Variants in ADAMTSL1 observed in about 807,000 individuals in gnomAD.
ADAMTSL1 encodes ADAMTS like 1.
ADAMTSL1 carries 126 observed loss-of-function variants against 201.8 expected under a neutral mutation model. The ratio of observed to expected loss-of-function variants is 0.62; its 90% CI spans 0.54 to 0.72. The LOEUF is 0.72. Among genes scored for constraint, ADAMTSL1 ranks in the 30% least tolerant of loss-of-function variants. ADAMTSL1 has a pLI of 0.00. For missense variants in ADAMTSL1, 2,679 were observed against 2,277.8 expected (o/e 1.18, Z -3.59); for synonymous variants, 1,121 against 903.4 (o/e 1.24, Z -4.32).
rs1168085240 is a variant in ADAMTSL1 at position 18,255,283 on chromosome 9, A to AGCAGGCGTATAAGCG, written c.207+91313_207+91327dup. On this transcript the variant is annotated intron_variant, in intron 2 of 29. Coordinates refer to the ADAMTSL1 transcript ENST00000680146. ...GGCGCTGCCGCATTCTTTACCTTGT[A>AGCAGGCGTATAAGCG]GCAGGCGTATAAGCGGCAGGCGTAT... 2.0e-5 allele frequency among the ~76,000 whole-genome samples: 3 copies of AGCAGGCGTATAAGCG among 152,254 alleles called. No homozygotes were observed. In the East Asian group the frequency reaches 5.8e-4, roughly 29 times the overall value.
intron 23 of ADAMTSL1, among the ~76,000 whole-genome samples, chr9:18,853,517 G>T (rs1563859757): frequency 6.6e-6 from 1 of 152,192 alleles, no homozygotes; most frequent in Non-Finnish European, 1.5e-5. Context: ...TTGATCATCA[G>T]AAATGCTGGT....
intron 5 of ADAMTSL1, among the ~76,000 whole-genome samples, chr9:18,625,107 A>C (rs887838684): frequency 2.0e-5 from 3 of 152,180 alleles, no homozygotes; most frequent in African/African-American, 4.8e-5. Context: ...TGCAGGGCCC[A>C]GTGGAGAAGC....
At chr9:18,354,068 T>C (rs1836100015) in intron 2 of ADAMTSL1, among the ~76,000 whole-genome samples, 1 of 145,686 alleles carries the variant, frequency 6.9e-6, no homozygotes, top group Non-Finnish European at 1.5e-5. Context: ...TATATATATA[T>C]ACCTATAAAT....
intron 22 of ADAMTSL1, among the ~76,000 whole-genome samples, chr9:18,829,581 G>A (rs1824845685): frequency 6.6e-6 from 1 of 152,148 alleles, no homozygotes. Context: ...GATCTAAAGT[G>A]AGAAACCCCT....
intron 2 of ADAMTSL1, among the ~76,000 whole-genome samples, chr9:18,318,635 T>A (rs1042159125): frequency 2.0e-5 from 3 of 152,146 alleles, no homozygotes; most frequent in Non-Finnish European, 2.9e-5. Context: ...TACAGTGGTG[T>A]ATCACATCTC....
chr9:18,583,720 C>G (rs1438698137), intron 4 of ADAMTSL1, among the ~76,000 whole-genome samples: 1 of 152,184 alleles, frequency 6.6e-6, no homozygotes, highest in Non-Finnish European at 1.5e-5. Context: ...CGGAGCTACC[C>G]AAGACCGTGG....
intron 1 of ADAMTSL1, among the ~76,000 whole-genome samples, chr9:18,486,312 T>A (rs960161622): frequency 6.6e-6 from 1 of 152,214 alleles, no homozygotes; most frequent in African/African-American, 2.4e-5. Context: ...AAAGTGTGAA[T>A]TCAGGCCCAA....
chr9:18,525,434 C>CT (rs1367756021), intron 2 of ADAMTSL1, among the ~76,000 whole-genome samples: 2 of 152,086 alleles, frequency 1.3e-5, no homozygotes. Context: ...TTTTGTGTGT[C>CT]TATCTCTTTC....
At chr9:17,907,800 C>G (rs1825781131) in intron 1 of ADAMTSL1, among the ~76,000 whole-genome samples, 1 of 152,124 alleles carries the variant, frequency 6.6e-6, no homozygotes, top group East Asian at 1.9e-4. Context: ...ACTTTCCAGA[C>G]TCAGGTTAAC....
intron 1 of ADAMTSL1, among the ~76,000 whole-genome samples, chr9:18,057,638 T>G (rs1411729539): frequency 6.6e-6 from 1 of 152,106 alleles, no homozygotes; most frequent in Non-Finnish European, 1.5e-5. Flanking sequence ...GGCCTATGGG[T>G]CCTGCATCAC....
intron 23 of ADAMTSL1, among the ~76,000 whole-genome samples, chr9:18,872,993 G>T (rs1190177394): frequency 6.6e-6 from 1 of 152,042 alleles, no homozygotes; most frequent in Non-Finnish European, 1.5e-5. Context: ...ATTATTTTTT[G>T]ATTTGCTGAT....
At position 18,194,856 on chromosome 9, in the gene ADAMTSL1, G is replaced by A. The variant is rs79859131; in HGVS notation, c.207+30875G>A. On this transcript the variant is annotated intron_variant, in intron 2 of 29. Coordinates refer to the ADAMTSL1 transcript ENST00000680146. ...CCCGCCTTTATTCCTGGCCAAGTCT[G>A]CATTTGCTGTGACTATCCTTTGATT... 1.6e-3 allele frequency among the ~76,000 whole-genome samples: 240 copies of A among 152,120 alleles called. 1 individual carries two copies. The East Asian group carries it at 0.031, about 20-fold the overall frequency.
chr9:18,144,147 A>T (rs1361245924), intron 1 of ADAMTSL1, among the ~76,000 whole-genome samples: 1 of 152,144 alleles, frequency 6.6e-6, no homozygotes, highest in Non-Finnish European at 1.5e-5. Flanking sequence ...GTTTCTATTA[A>T]GGCTATGGGA....
chr9:18,150,658 G>T (rs1331092), intron 1 of ADAMTSL1, among the ~76,000 whole-genome samples: 65,338 of 151,610 alleles, frequency 0.43, 14,530 homozygotes, highest in Admixed American at 0.53. Flanking sequence ...ATGAAGAGAT[G>T]AGCATAGAGA....
intron 23 of ADAMTSL1, among the ~76,000 whole-genome samples, chr9:18,843,268 A>G (rs1358781516): frequency 2.7e-5 from 4 of 150,544 alleles, no homozygotes; most frequent in African/African-American, 1.0e-4. Context: ...TGTCTGTAAA[A>G]TATTTTATTT....
intron 1 of ADAMTSL1, among the ~76,000 whole-genome samples, chr9:18,086,047 C>G (rs1301917351): frequency 6.6e-6 from 1 of 151,982 alleles, no homozygotes; most frequent in Non-Finnish European, 1.5e-5. Context: ...GGCCTTTTGC[C>G]CTCAGCAGCT....
chr9:18,095,380 G>A (rs1563997305), intron 1 of ADAMTSL1, among the ~76,000 whole-genome samples: 1 of 143,038 alleles, frequency 7.0e-6, no homozygotes, highest in African/African-American at 2.5e-5. Context: ...AATTTGACAC[G>A]TTTTTAGTAA....
chr9:18,110,570 T>G (rs1428800408), intron 1 of ADAMTSL1, among the ~76,000 whole-genome samples: 1 of 152,196 alleles, frequency 6.6e-6, no homozygotes, highest in Non-Finnish European at 1.5e-5. Context: ...GGGGTCTTTT[T>G]GAGCTAGTGA....
chr9:18,020,652 C>G (rs1170865996), intron 1 of ADAMTSL1, among the ~76,000 whole-genome samples: 1 of 152,052 alleles, frequency 6.6e-6, no homozygotes, highest in African/African-American at 2.4e-5. Flanking sequence ...CCAGGTCTCT[C>G]CCTAAACGCC....
Sources: gnomAD v4.1 joint callset for allele counts (sites outside exome capture counted in the v4.1 genomes callset) on GRCh38, gnomAD v4.1.1 for gene constraint, MANE v1.5 for transcripts, NCBI Gene and HGNC (gene_info 2026-07-23, HGNC 2026-07-21) for gene names.